Variants in AMMECR1 observed in about 807,000 individuals in gnomAD.
AMMECR1 encodes AMMECR nuclear protein 1.
In AMMECR1, 3 loss-of-function variants were observed where a neutral mutation model predicts 22.5. The observed-to-expected ratio is 0.13, with a 90% CI of 0.06 to 0.35. The LOEUF is 0.35. Ranked by LOEUF, AMMECR1 falls within the 10% of genes least tolerant of loss-of-function variation. The pLI is 1.00. For synonymous variants in AMMECR1, 130 were observed against 116.7 expected (o/e 1.11, Z -0.74); for missense variants, 235 against 278.7 (o/e 0.84, Z 1.12).
In AMMECR1 at chrX:110,197,512, TA is replaced by T. The variant is rs1319575625; in HGVS notation, c.*1007del. 8.9e-6 allele frequency: 1 copy of T among 111,885 alleles called. No individual in the cohort carries two copies. Among genetic ancestry groups the T allele is most frequent in the East Asian group, 2.8e-4 (1 of 3,582 alleles). 9.2% of individuals were successfully genotyped at this position (111,885 alleles called of 1,213,427 possible). A position where few individuals can be genotyped will look rare whatever the true frequency, so the allele number is the denominator to read the frequency against. On this transcript the variant is annotated 3_prime_UTR_variant, in exon 6 of 6. Coordinates refer to ENST00000262844, the MANE Select transcript of AMMECR1 (RefSeq NM_015365.3). ...TGCTCAAAATAATTTTTTTTCAGCT[TA>T]AAAAAATACTTAAGAGTAAGGAATT...
intron 2 of AMMECR1, among the ~76,000 whole-genome samples, chrX:110,347,507 A>G: frequency 8.9e-6 from 1 of 112,929 alleles, no homozygotes; most frequent in Non-Finnish European, 1.9e-5. Context: ...TCTGTAATGT[A>G]TTCTTCTCAC....
intron 1 of AMMECR1, among the ~76,000 whole-genome samples, chrX:110,267,395 T>TA (rs2067775740): frequency 2.7e-5 from 3 of 109,658 alleles, no homozygotes; most frequent in Admixed American, 9.7e-5. Context: ...TTCTTTTTTT[T>TA]TAAAAAAAAA....
rs147248474 is a variant in AMMECR1, at chrX:110,292,523, C to T, written c.473+25076G>A. 7.4e-3 allele frequency among the ~76,000 whole-genome samples: 827 copies of T among 112,065 alleles called. 7 individuals carry two copies. The highest frequency in any genetic ancestry group is 0.026 in the African/African-American group (802 of 30,905). On this transcript the variant is annotated intron_variant, in intron 1 of 5. Transcript: ENST00000262844. Reference sequence around the variant, plus strand: ...AGTACATCTAGACAATGGAATATTACTCAGCACTAAAAAGAAATGAAATAT... The same window carrying T: ...AGTACATCTAGACAATGGAATATTATTCAGCACTAAAAAGAAATGAAATAT...
At chrX:110,378,916 A>T (rs2068398071) in intron 2 of AMMECR1, among the ~76,000 whole-genome samples, 1 of 107,019 alleles carries the variant, frequency 9.3e-6, no homozygotes, top group Admixed American at 9.8e-5. Flanking sequence ...CCTGCTGGAC[A>T]CCCGTCCACC....
At chrX:110,433,348 TTC>T (rs1215268420) in intron 1 of AMMECR1, among the ~76,000 whole-genome samples, 1 of 111,773 alleles carries the variant, frequency 8.9e-6, no homozygotes, top group East Asian at 2.8e-4. Flanking sequence ...TTCCAAGCAC[TTC>T]TCTCTCTTCC....
rs2148160894 is a variant in AMMECR1, at chrX:110,198,275, C to G, written c.*245G>C. ...CATAATATTATAAGGAAAAAAAAAC[C>G]CAAAATTATATATGCTGCAAAAAAA... On this transcript the variant is annotated 3_prime_UTR_variant, in exon 6 of 6. Transcript: ENST00000262844. The G allele has an allele frequency of 4.2e-6, 1 of 236,515 alleles. No individual in the cohort carries two copies. Among genetic ancestry groups the G allele is most frequent in the East Asian group, 6.4e-5 (1 of 15,659 alleles). The allele number at this position is 236,515 out of a possible 1,213,427, so 19.5% of individuals were successfully genotyped here. A position where few individuals can be genotyped will look rare whatever the true frequency, so the allele number is the denominator to read the frequency against.
In AMMECR1 at chrX:110,198,442, T is replaced by G; in HGVS notation, c.*78A>C. 1.7e-6 allele frequency: 1 copy of G among 587,995 alleles called. No individual in the cohort carries two copies. The highest frequency in any genetic ancestry group is 2.6e-6 in the Non-Finnish European group (1 of 388,081). 48.5% of individuals were successfully genotyped at this position (587,995 alleles called of 1,213,427 possible). On this transcript the variant is annotated 3_prime_UTR_variant, in exon 6 of 6. Coordinates refer to ENST00000262844, the MANE Select transcript of AMMECR1 (RefSeq NM_015365.3). ...TCATAAAATGGTACAGTAAAAGAGA[T>G]AGCTAGACCAAGAAGGTGTAGGGTC... is the stretch of plus-strand genomic sequence containing the variant.
chrX:110,211,398 A>C (rs2067447254), intron 3 of AMMECR1, among the ~76,000 whole-genome samples: 1 of 112,337 alleles, frequency 8.9e-6, no homozygotes, highest in Admixed American at 9.4e-5. Flanking sequence ...GTCAAGCTCC[A>C]GTCCATTGTA....
chrX:110,289,823 C>T (rs2067898840), intron 1 of AMMECR1, among the ~76,000 whole-genome samples: 1 of 111,872 alleles, frequency 8.9e-6, no homozygotes, highest in South Asian at 3.7e-4. Flanking sequence ...ATCATGAAAA[C>T]GCTCAAGAAA....
chrX:110,396,821 A>G (rs1319201111), intron 2 of AMMECR1, among the ~76,000 whole-genome samples: 2 of 112,193 alleles, frequency 1.8e-5, no homozygotes, highest in East Asian at 5.6e-4. Context: ...TCCTGGGGAC[A>G]GTACCGTGTG....
intron 2 of AMMECR1, among the ~76,000 whole-genome samples, chrX:110,248,854 A>T (rs2067672532): frequency 8.9e-6 from 1 of 112,271 alleles, no homozygotes; most frequent in African/African-American, 3.2e-5. Context: ...GTGTCTGGCT[A>T]GAATCTAAGG....
At chrX:110,234,318 G>A (rs1449663080) in intron 2 of AMMECR1, among the ~76,000 whole-genome samples, 5 of 112,067 alleles carry the variant, frequency 4.5e-5, no homozygotes, top group East Asian at 5.6e-4. Flanking sequence ...ACTGCTCAAC[G>A]AAATAAAAGA....
intron 2 of AMMECR1, among the ~76,000 whole-genome samples, chrX:110,244,657 G>A (rs1453603037): frequency 1.8e-5 from 2 of 111,902 alleles, no homozygotes; most frequent in African/African-American, 3.2e-5. Context: ...CAGACATCAT[G>A]TACTGTTGAT....
chrX:110,430,885 T>C (rs1272456045), intron 1 of AMMECR1, among the ~76,000 whole-genome samples: 1 of 112,312 alleles, frequency 8.9e-6, no homozygotes, highest in Non-Finnish European at 1.9e-5. Context: ...TCTTTCACCT[T>C]GTGTTAAAAA....
chrX:110,312,433 G>A (rs1361939807), intron 1 of AMMECR1, among the ~76,000 whole-genome samples: 1 of 112,119 alleles, frequency 8.9e-6, no homozygotes, highest in African/African-American at 3.2e-5. Flanking sequence ...ATTGGACTGA[G>A]AGATTTCAGC....
intron 2 of AMMECR1, among the ~76,000 whole-genome samples, chrX:110,262,329 CAT>C (rs951551218): frequency 1.8e-5 from 2 of 111,537 alleles, no homozygotes; most frequent in Non-Finnish European, 3.8e-5. Flanking sequence ...CACACACAAA[CAT>C]ATGTATACAC....
At chrX:110,267,748 T>A (rs2067777339) in intron 1 of AMMECR1, among the ~76,000 whole-genome samples, 1 of 111,968 alleles carries the variant, frequency 8.9e-6, no homozygotes, top group Non-Finnish European at 1.9e-5. Context: ...TTCTTATTTA[T>A]CCCAGGAAAT....
In AMMECR1 at chrX:110,399,281, C is replaced by G. The variant is rs765657294; in HGVS notation, c.-148+27377G>C. The stretch of plus-strand genomic sequence containing the variant: ...ACATTCAACCCCAAACTTAGAAATG[C>G]AGAAGCCTAGGCTCAGTGAATTTTA... On this transcript the variant is annotated intron_variant, in intron 2 of 7. Coordinates refer to the AMMECR1 transcript ENST00000372057. Among the ~76,000 whole-genome samples the G allele has an allele frequency of 2.3e-3, 256 of 112,461 alleles. 2 individuals are homozygous for G. Among genetic ancestry groups the G allele is most frequent in the African/African-American group, 8.1e-3 (252 of 30,946 alleles).
intron 2 of AMMECR1, among the ~76,000 whole-genome samples, chrX:110,246,788 T>C (rs757755009): frequency 4.4e-5 from 5 of 112,429 alleles, no homozygotes; most frequent in South Asian, 3.7e-4. Context: ...CTTTGGGAAA[T>C]AGAAGAAATC....
Sources: allele counts gnomAD v4.1 joint callset (sites outside exome capture counted in the v4.1 genomes callset), GRCh38; gene constraint gnomAD v4.1.1; transcripts MANE v1.5; gene names NCBI Gene and HGNC (gene_info 2026-07-23, HGNC 2026-07-21).